The following PLSCR2 variants were observed in gnomAD, a reference collection of about 807,000 sequenced individuals.
PLSCR2 encodes phospholipid scramblase 2, also known as PL scramblase 2.
PLSCR2 carries 18 observed loss-of-function variants against 25.3 expected under a neutral mutation model. The observed-to-expected ratio is 0.71, with a 90% confidence interval of 0.49 to 1.06. The LOEUF is 1.06. PLSCR2 is among the 50% of genes least tolerant of loss of function. The pLI is 0.00. For missense variants in PLSCR2, 243 were observed against 269.5 expected (o/e 0.90, Z 0.69); for synonymous variants, 88 against 87.3 (o/e 1.01, Z -0.04).
chr3:146,492,740 TA>T (rs201669463), intron 1 of PLSCR2, among the ~76,000 whole-genome samples: 10 of 150,190 alleles, frequency 6.7e-5, no homozygotes, highest in Admixed American at 4.6e-4. Flanking sequence ...GGAGGAATTT[TA>T]AAAAAAAAGA....
chr3:146,485,604 T>C (rs2043310282), intron 1 of PLSCR2, among the ~76,000 whole-genome samples: 1 of 152,050 alleles, frequency 6.6e-6, no homozygotes, highest in Non-Finnish European at 1.5e-5. Flanking sequence ...AAACAGTCTA[T>C]CAGACCACAG....
chr3:146,439,633 G>T (rs2040112340), downstream of PLSCR2, among the ~76,000 whole-genome samples: 1 of 152,082 alleles, frequency 6.6e-6, no homozygotes, highest in Admixed American at 6.6e-5. Context: ...GTTATGTAAG[G>T]TCTTCTTTAT....
intron 2 of PLSCR2, among the ~76,000 whole-genome samples, chr3:146,414,492 T>A (rs1016457940): frequency 9.9e-5 from 15 of 152,196 alleles, no homozygotes; most frequent in African/African-American, 3.6e-4. Context: ...AAAGAAAGCA[T>A]CCTTTTATAA....
intron 1 of PLSCR2, among the ~76,000 whole-genome samples, chr3:146,471,584 T>TTTTA (rs2042121373): frequency 1.3e-5 from 2 of 150,632 alleles, no homozygotes; most frequent in African/African-American, 2.4e-5. Flanking sequence ...TTTTTTTTTC[T>TTTTA]GAGACAGAGT....
intron 2 of PLSCR2, among the ~76,000 whole-genome samples, chr3:146,419,265 A>T (rs1188045512): frequency 6.6e-6 from 1 of 152,148 alleles, no homozygotes; most frequent in Non-Finnish European, 1.5e-5. Flanking sequence ...TTCTATCATT[A>T]TATAAAAAGA....
intron 2 of PLSCR2, among the ~76,000 whole-genome samples, chr3:146,408,146 T>A (rs892199728): frequency 1.3e-5 from 2 of 152,166 alleles, no homozygotes; most frequent in Admixed American, 6.5e-5. Context: ...ATCAGCCTCT[T>A]GGACTAGGCT....
intron 1 of PLSCR2, chr3:146,469,247 C>A (rs1157875813): frequency 2.0e-6 from 2 of 985,582 alleles, no homozygotes; most frequent in East Asian, 1.1e-4. Flanking sequence ...GGAAGCTGAG[C>A]CCCGCAAGGC....
chr3:146,460,343 A>T, exon 1 of PLSCR2: 3 of 424,800 alleles, frequency 7.1e-6, no homozygotes, highest in Non-Finnish European at 1.1e-5. Flanking sequence ...GATAGAAAAT[A>T]TGCTTTTATA....
intron 8 of PLSCR2, among the ~76,000 whole-genome samples, chr3:146,436,242 T>C (rs533888823): frequency 2.6e-5 from 4 of 152,280 alleles, no homozygotes; most frequent in South Asian, 4.1e-4. Flanking sequence ...CTTAGGATTG[T>C]CTTGGCAATG....
chr3:146,494,992 A>C (rs1340645383), intron 1 of PLSCR2: 1 of 152,224 alleles, frequency 6.6e-6, no homozygotes, highest in Non-Finnish European at 1.5e-5. Context: ...GTTATCCATT[A>C]GATTTATACA....
intron 1 of PLSCR2, chr3:146,494,937 T>G (rs528647566): frequency 1.3e-5 from 2 of 152,194 alleles, no homozygotes; most frequent in Admixed American, 1.3e-4. Flanking sequence ...AGGTCAACTC[T>G]GATCCCAGTT....
At chr3:146,442,191 A>C (rs1406654527) in intron 6 of PLSCR2, among the ~76,000 whole-genome samples, 1 of 152,044 alleles carries the variant, frequency 6.6e-6, no homozygotes, top group Non-Finnish European at 1.5e-5. Flanking sequence ...CATTCCATGT[A>C]CAACAAATTA....
intron 1 of PLSCR2, among the ~76,000 whole-genome samples, chr3:146,476,511 G>A (rs538651208): frequency 6.6e-6 from 1 of 152,316 alleles, no homozygotes; most frequent in Admixed American, 6.5e-5. Context: ...GAGCTCCCAG[G>A]GGGAGGGGAA....
chr3:146,448,478 A>G (rs2040694312), intron 6 of PLSCR2, among the ~76,000 whole-genome samples: 1 of 152,156 alleles, frequency 6.6e-6, no homozygotes, highest in South Asian at 2.1e-4. Context: ...TCCCAACTCC[A>G]GAGATTTTGG....
chr3:146,465,287 G>A (rs1282238738), upstream of PLSCR2, among the ~76,000 whole-genome samples: 1 of 152,054 alleles, frequency 6.6e-6, no homozygotes, highest in African/African-American at 2.4e-5. Flanking sequence ...TCATATTCAT[G>A]AATTCCTAAT....
intron 1 of PLSCR2, among the ~76,000 whole-genome samples, chr3:146,493,784 T>TA (rs1491238587): frequency 1.1e-3 from 11 of 10,380 alleles, no homozygotes; most frequent in African/African-American, 3.8e-3. Context: ...CAAGGTGGCG[T>TA]TTTTTTTTTT....
intron 1 of PLSCR2, chr3:146,469,013 C>G: frequency 1.9e-6 from 1 of 525,776 alleles, no homozygotes; most frequent in Non-Finnish European, 2.4e-6. Flanking sequence ...TCTTAGGAAC[C>G]GCGCTACATA....
At chr3:146,411,352 C>T (rs1352033681) in intron 2 of PLSCR2, among the ~76,000 whole-genome samples, 1 of 152,176 alleles carries the variant, frequency 6.6e-6, no homozygotes, top group East Asian at 1.9e-4. Flanking sequence ...CTCATCAGGG[C>T]CGCTTCCCTC....
At chr3:146,407,673 G>A (rs1166409651) in intron 2 of PLSCR2, among the ~76,000 whole-genome samples, 2 of 152,178 alleles carry the variant, frequency 1.3e-5, no homozygotes, top group African/African-American at 4.8e-5. Context: ...CAGTAGCAAA[G>A]CCGTACCTGG....
Sources: allele counts gnomAD v4.1 joint callset (sites outside exome capture counted in the v4.1 genomes callset), GRCh38; gene constraint gnomAD v4.1.1; transcripts MANE v1.5; gene names NCBI Gene and HGNC (gene_info 2026-07-23, HGNC 2026-07-21).